CACNA1D: variants seen among roughly 807,000 people sequenced by gnomAD.
CACNA1D encodes voltage-dependent L-type calcium channel subunit alpha-1D.
A neutral mutation model predicts 257.1 loss-of-function variants in CACNA1D; 55 were observed. That is an observed-to-expected ratio of 0.21 (90% CI 0.17 to 0.27). CACNA1D has a LOEUF of 0.27. Among genes scored for constraint, CACNA1D ranks in the 10% least tolerant of loss-of-function variants. The pLI, the probability that CACNA1D is intolerant of heterozygous loss-of-function variation, is 1.00. For missense variants in CACNA1D, 1,876 were observed against 2,784.0 expected, an observed-to-expected ratio of 0.67 and a Z score of 7.34; for synonymous variants, 980 against 1,014.9, an observed-to-expected ratio of 0.97 and a Z score of 0.65.
At chr3:53,747,515 T>C in intron 26 of CACNA1D, 67 bp downstream of exon 26, 1 of 1,504,114 alleles carries the variant, frequency 6.6e-7, no homozygotes, top group Non-Finnish European at 9.2e-7. Context: ...CCCTCCCTCC[T>C]GGAGTCAGTC....
intron 3 of CACNA1D, among the ~76,000 whole-genome samples, chr3:53,560,880 T>A (rs1217867727): frequency 6.6e-6 from 1 of 152,206 alleles, no homozygotes; most frequent in East Asian, 1.9e-4. Context: ...TCCTCTTGAT[T>A]GAAATTTTCT....
intron 9 of CACNA1D, 37 bp downstream of exon 9, chr3:53,702,847 C>G (rs2094640784): frequency 6.2e-7 from 1 of 1,612,018 alleles, no homozygotes; most frequent in East Asian, 2.2e-5. Context: ...CTAGACAGAC[C>G]CAGTGTGCGG....
chr3:53,778,904 G>A (rs2095411791), intron 37 of CACNA1D, among the ~76,000 whole-genome samples: 1 of 152,266 alleles, frequency 6.6e-6, no homozygotes, highest in Non-Finnish European at 1.5e-5. Context: ...CATTCCCTGA[G>A]TTGGGAATAG....
chr3:53,570,789 G>A (rs1372360931), intron 3 of CACNA1D, among the ~76,000 whole-genome samples: 2 of 152,204 alleles, frequency 1.3e-5, no homozygotes. Context: ...AAATGAACAG[G>A]ATAAATTTAA....
In CACNA1D at chr3:53,507,089, A is replaced by C. The variant is rs182402801; in HGVS notation, c.483+5369A>C. Among the ~76,000 whole-genome samples, 235 of 150,272 alleles carry C rather than the reference A, an allele frequency of 1.6e-3. 2 individuals are homozygous for C. Among genetic ancestry groups the C allele is most frequent in the African/African-American group, 5.5e-3 (227 of 41,118 alleles). Reference sequence around the variant, plus strand: ...CTCTATCTCAAAAAAAAAAAAAAAAAAAAACAAAAAAATGTGGTAGAAGGG... The same window carrying C: ...CTCTATCTCAAAAAAAAAAAAAAAACAAAACAAAAAAATGTGGTAGAAGGG... On this transcript the variant is annotated intron_variant, in intron 3 of 47. Transcript: ENST00000350061.
intron 3 of CACNA1D, among the ~76,000 whole-genome samples, chr3:53,554,175 A>G (rs902826351): frequency 9.9e-5 from 15 of 151,284 alleles, no homozygotes; most frequent in South Asian, 2.1e-4. Context: ...CAGCCTGGGC[A>G]ACAGAGTGAG....
At chr3:53,621,054 C>T (rs1049330809) in intron 3 of CACNA1D, among the ~76,000 whole-genome samples, 3 of 152,192 alleles carry the variant, frequency 2.0e-5, no homozygotes, top group Admixed American at 1.3e-4. Context: ...AGCTCTGTGT[C>T]CTTTTGTGCA....
chr3:53,694,798 G>A (rs542950480), intron 8 of CACNA1D, among the ~76,000 whole-genome samples: 10 of 152,268 alleles, frequency 6.6e-5, no homozygotes, highest in African/African-American at 9.6e-5. Context: ...GTGCAGGCTC[G>A]TATTCTGCTG....
chr3:53,774,383 C>G lies in CACNA1D; in HGVS notation c.4111-204C>G, dbSNP rs1237370670. On this transcript the variant is annotated intron_variant, in intron 33 of 47. Transcript: ENST00000350061. The surrounding 1 kb of genome is among the most constrained non-coding windows in gnomAD (Gnocchi z 4.3). ...TCCGCGAATGTGAGACCGTGCCCCTCTGGAGCACCACGTTCCCAGTGTGTA... is the reference window on the plus strand; with the variant it reads ...TCCGCGAATGTGAGACCGTGCCCCTGTGGAGCACCACGTTCCCAGTGTGTA... 15 of 573,836 alleles carry G rather than the reference C, an allele frequency of 2.6e-5. No individual in the cohort carries two copies. The East Asian group carries it at 4.5e-4, about 17-fold the overall frequency. The allele number at this position is 573,836 out of a possible 1,614,324, so 35.5% of individuals were successfully genotyped here.
intron 3 of CACNA1D, among the ~76,000 whole-genome samples, chr3:53,520,890 CTTTCTTTTCTTTTCTTTTCTTTTCTT>C (rs2091539063): frequency 8.3e-6 from 1 of 120,558 alleles, no homozygotes; most frequent in Non-Finnish European, 1.8e-5. Flanking sequence ...TTCTTTCTTT[CTTTCTTTTCTTTTCTTTTCTTTTCTT>C]TTTCTTTCTT....
At chr3:53,694,688 A>C (rs1379360708) in intron 8 of CACNA1D, among the ~76,000 whole-genome samples, 2 of 152,194 alleles carry the variant, frequency 1.3e-5, no homozygotes, top group African/African-American at 4.8e-5. Context: ...CTCTAGGAAC[A>C]ATCTAAATAA....
rs975575082 is a variant in CACNA1D at position 53,718,857 on chromosome 3, T to A, written c.1478+469T>A. ...ACGTATTTAAGTTTTCCTTTGCTCA[T>A]GGGACCTTCCTAACCTCAGGCCTGG... On this transcript the variant is annotated intron_variant, in intron 10 of 47. Coordinates refer to ENST00000350061, the MANE Select transcript of CACNA1D (RefSeq NM_001128840.3). 84 of 928,308 alleles carry A rather than the reference T, an allele frequency of 9.0e-5. 1 individual carries two copies. In the Admixed American group the frequency reaches 1.7e-3, roughly 19 times the overall value. The allele number at this position is 928,308 out of a possible 1,614,324, so 57.5% of individuals were successfully genotyped here.
At chr3:53,568,806 T>C (rs1292797701) in intron 3 of CACNA1D, among the ~76,000 whole-genome samples, 1 of 152,330 alleles carries the variant, frequency 6.6e-6, no homozygotes, top group Admixed American at 6.5e-5. Flanking sequence ...CTAAATACTT[T>C]AAATTATTTT....
chr3:53,792,907 G>C (rs558146190), intron 40 of CACNA1D, among the ~76,000 whole-genome samples: 3 of 152,360 alleles, frequency 2.0e-5, no homozygotes, highest in South Asian at 4.1e-4. Flanking sequence ...TAAGTGTGCA[G>C]ACTAGTTAAC....
intron 29 of CACNA1D, among the ~76,000 whole-genome samples, chr3:53,754,471 C>CT (rs2095249561): frequency 6.6e-6 from 1 of 152,202 alleles, no homozygotes; most frequent in African/African-American, 2.4e-5. Flanking sequence ...AATGAGGACG[C>CT]TAATAGTGCT....
At chr3:53,702,340 T>G (rs1214392540) in intron 8 of CACNA1D, among the ~76,000 whole-genome samples, 1 of 152,216 alleles carries the variant, frequency 6.6e-6, no homozygotes, top group Non-Finnish European at 1.5e-5. Context: ...AGGCCTGCCA[T>G]GACAGCACAT....
At chr3:53,747,211 G>A in intron 25 of CACNA1D, 91 bp from the exon 26 acceptor site, 1 of 1,080,068 alleles carries the variant, frequency 9.3e-7, no homozygotes, top group Non-Finnish European at 1.4e-6. Context: ...TGACCTGCCT[G>A]GAGGTTGGAT....
rs369927393 is a variant in CACNA1D, at chr3:53,803,403, A to G, written c.5436-20A>G. 8.7e-6 allele frequency: 14 copies of G among 1,613,928 alleles called. No individual in the cohort carries two copies. The highest frequency in any genetic ancestry group is 1.2e-5 in the Non-Finnish European group (14 of 1,179,984). ...ATCTGCCGCCTGCCCAGGTTCTCAG[A>G]TCCTCTCTCCCAACTGCAGGTCCGA... On this transcript the variant is annotated intron_variant, in intron 43 of 47. Coordinates refer to ENST00000350061, the MANE Select transcript of CACNA1D (RefSeq NM_001128840.3).
intron 3 of CACNA1D, among the ~76,000 whole-genome samples, chr3:53,532,823 G>A (rs1402119949): frequency 6.6e-6 from 1 of 152,192 alleles, no homozygotes; most frequent in Non-Finnish European, 1.5e-5. Context: ...TCAGACTCCA[G>A]CCCCCGCTCT....
Sources: gnomAD v4.1 joint callset for allele counts (sites outside exome capture counted in the v4.1 genomes callset) on GRCh38, gnomAD v4.1.1 for gene constraint, Gnocchi (gnomAD v3.1) non-coding constraint, MANE v1.5 for transcripts, NCBI Gene and HGNC (gene_info 2026-07-23, HGNC 2026-07-21) for gene names.